ROBO1: variants seen among roughly 807,000 people sequenced by gnomAD.
ROBO1 encodes roundabout guidance receptor 1.
In ROBO1, 149 loss-of-function variants were observed where a neutral mutation model predicts 195.9. That is an observed-to-expected ratio of 0.76 (90% CI 0.67 to 0.87). The LOEUF is 0.87. ROBO1 is among the 40% of genes least tolerant of loss of function. ROBO1 has a pLI of 0.00. For missense variants in ROBO1, 1,933 were observed against 2,068.3 expected, an observed-to-expected ratio of 0.93 and a Z score of 1.27; for synonymous variants, 816 against 733.2, an observed-to-expected ratio of 1.11 and a Z score of -1.82.
At chr3:78,662,246 A>T in intron 14 of ROBO1, 132 bp from the exon 15 acceptor site, 7 of 184,908 alleles carry the variant, frequency 3.8e-5, no homozygotes, top group Non-Finnish European at 5.1e-5. Context: ...GTGATTCGGA[A>T]AAAAAAAAAA....
At chr3:79,150,214 C>T (rs976397761) in intron 2 of ROBO1, among the ~76,000 whole-genome samples, 5 of 150,918 alleles carry the variant, frequency 3.3e-5, no homozygotes, top group Non-Finnish European at 7.4e-5. Flanking sequence ...TGTGACCTCA[C>T]TTCTGTGACA....
At chr3:78,744,287 C>T (rs930992712) in intron 5 of ROBO1, among the ~76,000 whole-genome samples, 21 of 152,166 alleles carry the variant, frequency 1.4e-4, no homozygotes, top group African/African-American at 4.8e-4. Flanking sequence ...TATTCAGAAT[C>T]TAGCCACTCC....
intron 2 of ROBO1, among the ~76,000 whole-genome samples, chr3:79,434,906 C>CAT (rs2038827594): frequency 2.0e-5 from 3 of 152,088 alleles, no homozygotes; most frequent in Non-Finnish European, 4.4e-5. Context: ...AGTTCATATC[C>CAT]TTTGTAGGGA....
intron 3 of ROBO1, among the ~76,000 whole-genome samples, chr3:78,953,615 A>G (rs1198541311): frequency 6.6e-6 from 1 of 152,032 alleles, no homozygotes; most frequent in African/African-American, 2.4e-5. Context: ...AGTAGAAGAA[A>G]CTGGAATCAA....
intron 2 of ROBO1, among the ~76,000 whole-genome samples, chr3:79,280,941 AG>A (rs1300371465): frequency 6.6e-6 from 1 of 152,162 alleles, no homozygotes. Flanking sequence ...GGTTCCTAAC[AG>A]TTTAGGGGCC....
Position 79,492,523 on chromosome 3 carries a change from A to G in ROBO1, c.88+97301T>C, listed in dbSNP as rs186362113. 1.2e-3 allele frequency among the ~76,000 whole-genome samples: 183 copies of G among 151,870 alleles called. 3 individuals carry two copies. The highest frequency in any genetic ancestry group is 6.6e-4 in the Admixed American group (10 of 15,266). On this transcript the variant is annotated intron_variant, in intron 2 of 30. Transcript: ENST00000464233. The stretch of plus-strand genomic sequence containing the variant: ...TTATGAGTTATTTTCTCATAAACTT[A>G]AAGATATAATATATAAATATACACA...
chr3:78,718,212 AT>A (rs1452084465), intron 5 of ROBO1, among the ~76,000 whole-genome samples: 135 of 152,312 alleles, frequency 8.9e-4, no homozygotes, highest in African/African-American at 2.9e-3. Flanking sequence ...TGCGTGAATA[AT>A]TTAGTTAGCA....
intron 4 of ROBO1, among the ~76,000 whole-genome samples, chr3:78,873,160 C>T (rs940772895): frequency 1.3e-5 from 2 of 152,120 alleles, no homozygotes; most frequent in African/African-American, 2.4e-5. Context: ...AAACTCACCT[C>T]TATATATTAA....
chr3:79,144,433 C>T (rs2080601239), intron 2 of ROBO1, among the ~76,000 whole-genome samples: 1 of 151,888 alleles, frequency 6.6e-6, no homozygotes, highest in Non-Finnish European at 1.5e-5. Context: ...ACTGTCTACT[C>T]CCTTCCACTT....
intron 2 of ROBO1, among the ~76,000 whole-genome samples, chr3:79,478,873 T>C (rs534130787): frequency 4.5e-4 from 68 of 152,118 alleles, no homozygotes; most frequent in Non-Finnish European, 9.0e-4. Context: ...AGGTATGCAA[T>C]GGAGCAATTC....
At chr3:79,394,106 C>T (rs576852954) in intron 2 of ROBO1, among the ~76,000 whole-genome samples, 1 of 151,786 alleles carries the variant, frequency 6.6e-6, no homozygotes, top group South Asian at 2.1e-4. Context: ...TGGCAATAAG[C>T]CCCCTGCTTT....
At position 78,636,114 on chromosome 3, in the gene ROBO1, T is replaced by C; in HGVS notation, c.3038-6A>G. 3 of 1,583,434 alleles carry C rather than the reference T, an allele frequency of 1.9e-6. No individual in the cohort carries two copies. The highest frequency in any genetic ancestry group is 2.3e-5 in the South Asian group (2 of 88,650). On this transcript the variant is annotated splice_polypyrimidine_tract_variant and splice_region_variant and intron_variant, in intron 22 of 30. Transcript: ENST00000464233. ...ATAATTTGCTATACAATCAGCTATGTGCAATGGAGAGGAAAAGGAAAAAAT... is the reference window on the plus strand; with the variant it reads ...ATAATTTGCTATACAATCAGCTATGCGCAATGGAGAGGAAAAGGAAAAAAT...
At chr3:79,496,376 T>G (rs1254515107) in intron 2 of ROBO1, among the ~76,000 whole-genome samples, 1 of 138,212 alleles carries the variant, frequency 7.2e-6, no homozygotes, top group East Asian at 2.1e-4. Flanking sequence ...GGTATAATGC[T>G]GCGCACCCAT....
At position 78,990,144 on chromosome 3, in the gene ROBO1, T is replaced by A. The variant is rs535886508; in HGVS notation, c.173-51217A>T. 5.9e-5 allele frequency among the ~76,000 whole-genome samples: 9 copies of A among 152,320 alleles called. No homozygotes were observed. The South Asian group carries it at 1.9e-3, about 32-fold the overall frequency. Reference sequence around the variant, plus strand: ...TTAAAATTTTTCCTAAGAAAATATTTAATACACTAGAATATTTTTCCTAAT... The same window carrying A: ...TTAAAATTTTTCCTAAGAAAATATTAAATACACTAGAATATTTTTCCTAAT... On this transcript the variant is annotated intron_variant, in intron 3 of 30. Transcript: ENST00000464233.
intron 20 of ROBO1, among the ~76,000 whole-genome samples, chr3:78,646,871 C>CA (rs539299098): frequency 2.0e-5 from 3 of 151,434 alleles, no homozygotes; most frequent in African/African-American, 4.9e-5. Flanking sequence ...TTAACCATAA[C>CA]AAAAAAAAGA....
intron 2 of ROBO1, among the ~76,000 whole-genome samples, chr3:79,198,264 AG>A (rs1441768471): frequency 3.3e-5 from 5 of 152,112 alleles, no homozygotes; most frequent in African/African-American, 1.2e-4. Flanking sequence ...ATGGCTAGCT[AG>A]TTTTCCCAGC....
At chr3:79,494,364 G>C (rs61364058) in intron 2 of ROBO1, among the ~76,000 whole-genome samples, 46,657 of 151,828 alleles carry the variant, frequency 0.31, 7,412 homozygotes, top group Non-Finnish European at 0.35. Flanking sequence ...CATAAAAATA[G>C]GTTCTTTAGA....
intron 3 of ROBO1, among the ~76,000 whole-genome samples, chr3:78,954,685 GAACAA>G (rs1410838645): frequency 6.6e-6 from 1 of 151,836 alleles, no homozygotes; most frequent in Admixed American, 6.6e-5. Flanking sequence ...CTTTATATTA[GAACAA>G]ATTATATGGT....
intron 1 of ROBO1, among the ~76,000 whole-genome samples, chr3:79,714,396 T>C (rs957683316): frequency 3.9e-5 from 6 of 152,262 alleles, no homozygotes; most frequent in African/African-American, 1.4e-4. Context: ...TTTACACTGT[T>C]GGTGGGAATG....
Sources: allele counts gnomAD v4.1 joint callset (sites outside exome capture counted in the v4.1 genomes callset), GRCh38; gene constraint gnomAD v4.1.1; transcripts MANE v1.5; gene names NCBI Gene and HGNC (gene_info 2026-07-23, HGNC 2026-07-21).